Variants in TRPS1 observed in about 807,000 individuals in gnomAD.
TRPS1 encodes the protein zinc finger transcription factor Trps1.
In TRPS1, 6 loss-of-function variants were observed where a neutral mutation model predicts 101.2. That is an observed-to-expected ratio of 0.06 (90% CI 0.03 to 0.12). The LOEUF is 0.12. TRPS1 is among the 10% of genes least tolerant of loss of function. TRPS1 has a pLI of 1.00. For synonymous variants in TRPS1, 578 were observed against 589.8 expected (o/e 0.98, Z 0.29); for missense variants, 1,363 against 1,567.0 (o/e 0.87, Z 2.20).
chr8:115,587,730 A>G (rs779685880), intron 4 of TRPS1, 126 bp from the exon 5 acceptor site: 64 of 1,501,324 alleles, frequency 4.3e-5, no homozygotes, highest in Non-Finnish European at 5.6e-5. Context: ...GAAATGCAAT[A>G]TTCTTAACAC....
At chr8:115,446,316 T>C (rs1015638598) in intron 5 of TRPS1, among the ~76,000 whole-genome samples, 1 of 142,656 alleles carries the variant, frequency 7.0e-6, no homozygotes, top group Non-Finnish European at 1.5e-5. Flanking sequence ...AAAAAAATAT[T>C]TTTTTTTCCT....
At chr8:115,505,898 T>C (rs951993909) in intron 5 of TRPS1, among the ~76,000 whole-genome samples, 1 of 151,736 alleles carries the variant, frequency 6.6e-6, no homozygotes, top group African/African-American at 2.4e-5. Context: ...TGAAATGCTT[T>C]CCTCTAAAAG....
intron 5 of TRPS1, among the ~76,000 whole-genome samples, chr8:115,576,021 AG>A (rs1817309212): frequency 6.6e-6 from 1 of 152,154 alleles, no homozygotes; most frequent in Admixed American, 6.6e-5. Flanking sequence ...CAAGAAACTG[AG>A]GAAGGAGACT....
At chr8:115,581,518 C>T (rs1586425767) in intron 5 of TRPS1, among the ~76,000 whole-genome samples, 1 of 151,724 alleles carries the variant, frequency 6.6e-6, no homozygotes, top group Admixed American at 6.6e-5. Flanking sequence ...ACAATATGTA[C>T]AATTATTGTG....
rs180788004 is a variant in TRPS1, at chr8:115,503,517, C to A, written c.2700+83484G>T. 2.6e-5 allele frequency among the ~76,000 whole-genome samples: 4 copies of A among 152,060 alleles called. No homozygotes were observed. In the East Asian group the frequency reaches 7.7e-4, roughly 29 times the overall value. Reference sequence around the variant, plus strand: ...ATTACAATGAAAGAAATTTAAATATCCTGAAACAGAGCCAAATATAGGGTA... The same window carrying A: ...ATTACAATGAAAGAAATTTAAATATACTGAAACAGAGCCAAATATAGGGTA... On this transcript the variant is annotated intron_variant, in intron 5 of 6. Transcript: ENST00000395715.
intron 1 of TRPS1, among the ~76,000 whole-genome samples, chr8:115,636,290 C>T (rs1427306031): frequency 6.6e-6 from 1 of 152,138 alleles, no homozygotes; most frequent in Non-Finnish European, 1.5e-5. Context: ...GCCACAGATG[C>T]AGAGGCATTG....
At chr8:115,421,546 T>G (rs2129783588) in intron 5 of TRPS1, among the ~76,000 whole-genome samples, 1 of 152,320 alleles carries the variant, frequency 6.6e-6, no homozygotes, top group Middle Eastern at 3.4e-3. Context: ...GTGAAATATC[T>G]AGGTGTTCGC....
chr8:115,496,864 C>A (rs906004267), intron 5 of TRPS1, among the ~76,000 whole-genome samples: 3 of 152,138 alleles, frequency 2.0e-5, no homozygotes, highest in African/African-American at 7.2e-5. Flanking sequence ...TTTTAATATA[C>A]ATTTATGTGT....
intron 5 of TRPS1, among the ~76,000 whole-genome samples, chr8:115,462,303 T>C (rs1457376511): frequency 6.7e-6 from 1 of 149,404 alleles, no homozygotes; most frequent in Admixed American, 6.7e-5. Flanking sequence ...GTCATCTTCA[T>C]ACGATAGCTT....
chr8:115,602,143 G>A (rs1484833926), intron 4 of TRPS1, among the ~76,000 whole-genome samples: 1 of 152,066 alleles, frequency 6.6e-6, no homozygotes, highest in Non-Finnish European at 1.5e-5. Flanking sequence ...GAATGAGTGC[G>A]TGTGCGTGTG....
At chr8:115,489,435 T>C (rs1275307993) in intron 5 of TRPS1, among the ~76,000 whole-genome samples, 1 of 152,208 alleles carries the variant, frequency 6.6e-6, no homozygotes, top group Admixed American at 6.5e-5. Flanking sequence ...GTATGAAATC[T>C]TTCCCAGTTA....
chr8:115,570,516 A>T (rs1817175701), intron 5 of TRPS1, among the ~76,000 whole-genome samples: 1 of 152,084 alleles, frequency 6.6e-6, no homozygotes, highest in Admixed American at 6.6e-5. Flanking sequence ...AAAATATAAA[A>T]ATGCACAGCC....
At chr8:115,667,556 A>C in intron 1 of TRPS1, among the ~76,000 whole-genome samples, 1 of 152,176 alleles carries the variant, frequency 6.6e-6, no homozygotes, top group Non-Finnish European at 1.5e-5. Flanking sequence ...ATGGCGCATC[A>C]ACCGCATCGC....
chr8:115,558,138 T>C (rs1038873226), intron 5 of TRPS1, among the ~76,000 whole-genome samples: 17 of 151,028 alleles, frequency 1.1e-4, no homozygotes, highest in Admixed American at 5.3e-4. Flanking sequence ...AGATAAAACA[T>C]TGTATATTAT....
chr8:115,638,204 A>G (rs1388847888), intron 1 of TRPS1, among the ~76,000 whole-genome samples: 1 of 152,186 alleles, frequency 6.6e-6, no homozygotes, highest in African/African-American at 2.4e-5. Flanking sequence ...GCTAAAGGTT[A>G]ATCTAAAATT....
chr8:115,666,520 C>T (rs1015923532), intron 1 of TRPS1, among the ~76,000 whole-genome samples: 1 of 152,140 alleles, frequency 6.6e-6, no homozygotes, highest in Non-Finnish European at 1.5e-5. Context: ...TGTAAAACTT[C>T]ACAACAGTGA....
At chr8:115,427,230 T>A (rs1463174303) in intron 5 of TRPS1, among the ~76,000 whole-genome samples, 2 of 152,138 alleles carry the variant, frequency 1.3e-5, no homozygotes, top group Admixed American at 6.6e-5. Context: ...TGAGCTATAA[T>A]CATGTCACTG....
chr8:115,457,973 T>C (rs1417623626), intron 5 of TRPS1, among the ~76,000 whole-genome samples: 4 of 152,054 alleles, frequency 2.6e-5, no homozygotes, highest in African/African-American at 4.8e-5. Context: ...GAAGTAAAAA[T>C]TGCAGTCCCT....
chr8:115,624,951 A>T (rs887252774), intron 1 of TRPS1, among the ~76,000 whole-genome samples: 1 of 151,688 alleles, frequency 6.6e-6, no homozygotes, highest in African/African-American at 2.4e-5. Flanking sequence ...TATTTCATAT[A>T]TTATATATAA....
Sources: allele counts gnomAD v4.1 joint callset (sites outside exome capture counted in the v4.1 genomes callset), GRCh38; gene constraint gnomAD v4.1.1; transcripts MANE v1.5; gene names NCBI Gene and HGNC (gene_info 2026-07-23, HGNC 2026-07-21).